Variants in MED27 observed in about 807,000 individuals in gnomAD.
MED27 encodes mediator complex subunit 27.
In MED27, 30 loss-of-function variants were observed where a neutral mutation model predicts 38.2. That is an observed-to-expected ratio of 0.79 (90% CI 0.59 to 1.07). The LOEUF (loss-of-function observed/expected upper bound fraction) is 1.07. MED27 is among the 50% of genes least tolerant of loss of function. The probability of loss-of-function intolerance (pLI) is 0.00; values close to 1 mark genes in which losing one functional copy is unlikely to be tolerated. For synonymous variants in MED27, 122 were observed against 153.5 expected, an observed-to-expected ratio of 0.79 and a Z score of 1.52; for missense variants, 289 against 397.5, an observed-to-expected ratio of 0.73 and a Z score of 2.32.
intron 3 of MED27, among the ~76,000 whole-genome samples, chr9:131,943,084 T>C (rs886717198): frequency 2.0e-5 from 3 of 152,168 alleles, no homozygotes; most frequent in Non-Finnish European, 2.9e-5. Context: ...TGAAGCAAAA[T>C]GGATTTTCAG....
At chr9:131,990,981 G>A (rs986495520) in intron 3 of MED27, among the ~76,000 whole-genome samples, 3 of 152,160 alleles carry the variant, frequency 2.0e-5, no homozygotes, top group African/African-American at 7.2e-5. Flanking sequence ...AGAAATCTGC[G>A]GGGTTCTTGC....
At chr9:131,869,443 G>A in intron 6 of MED27, 1 of 973,464 alleles carries the variant, frequency 1.0e-6, no homozygotes. Flanking sequence ...CTCTGTGGCA[G>A]CCGAGGTTCG....
At chr9:132,063,460 A>G (rs1833742214) in intron 2 of MED27, among the ~76,000 whole-genome samples, 1 of 152,206 alleles carries the variant, frequency 6.6e-6, no homozygotes, top group South Asian at 2.1e-4. Flanking sequence ...CCCCAAGTAC[A>G]ACGTTTTGGC....
At chr9:132,068,959 G>A (rs1260804965) in intron 2 of MED27, among the ~76,000 whole-genome samples, 1 of 152,160 alleles carries the variant, frequency 6.6e-6, no homozygotes, top group Non-Finnish European at 1.5e-5. Context: ...GAAGAGAGAA[G>A]ACAAGAAAAC....
chr9:131,951,091 ACCTT>A (rs1472900225), intron 3 of MED27, among the ~76,000 whole-genome samples: 1 of 152,128 alleles, frequency 6.6e-6, no homozygotes, highest in African/African-American at 2.4e-5. Context: ...ACAAAAACAG[ACCTT>A]CCTGGGCGAG....
intron 3 of MED27, among the ~76,000 whole-genome samples, chr9:131,951,106 G>A (rs1290863400): frequency 6.6e-6 from 1 of 152,170 alleles, no homozygotes. Flanking sequence ...CCTGGGCGAG[G>A]TGCCTCGGCT....
chr9:131,936,733 T>C (rs947057705), intron 4 of MED27, among the ~76,000 whole-genome samples: 2 of 152,248 alleles, frequency 1.3e-5, no homozygotes, highest in Non-Finnish European at 2.9e-5. Context: ...CTGAGTCTGA[T>C]GCACCTGGCA....
intron 4 of MED27, among the ~76,000 whole-genome samples, chr9:131,923,964 T>C (rs766206198): frequency 5.0e-4 from 76 of 152,166 alleles, no homozygotes; most frequent in Admixed American, 7.9e-4. Flanking sequence ...TTTCTGAAGA[T>C]GGAAAAAAAA....
At position 132,003,003 on chromosome 9, in the gene MED27, G is replaced by A. The variant is rs1438238020; in HGVS notation, c.479+11334C>T. ...AAGAACAGAAAGATCTGAAACAAAA[G>A]AGTTTCACTTACAACCAGCATTAGT... On this transcript the variant is annotated intron_variant, in intron 3 of 7. Coordinates refer to ENST00000292035, the MANE Select transcript of MED27 (RefSeq NM_004269.4). This position sits in a 1 kb window ranked among gnomAD's most constrained non-coding sequence, Gnocchi z 4.2. Among the ~76,000 whole-genome samples the A allele has an allele frequency of 6.7e-6, 1 of 150,222 alleles. No homozygotes were observed. The highest frequency in any genetic ancestry group is 1.5e-5 in the Non-Finnish European group (1 of 67,472).
intron 2 of MED27, among the ~76,000 whole-genome samples, chr9:132,065,491 T>C (rs899823535): frequency 6.6e-6 from 1 of 152,238 alleles, no homozygotes; most frequent in Non-Finnish European, 1.5e-5. Context: ...CATTCTTTTG[T>C]GCCCCCTCCC....
At chr9:132,038,188 CTT>C (rs144353393) in intron 2 of MED27, among the ~76,000 whole-genome samples, 8 of 125,682 alleles carry the variant, frequency 6.4e-5, no homozygotes, top group Middle Eastern at 4.6e-3. Flanking sequence ...AGGCATCCTT[CTT>C]TTTTTTTTTT....
In MED27 at chr9:132,003,443, G is replaced by A. The variant is rs187860704; in HGVS notation, c.479+10894C>T. 5.8e-4 allele frequency among the ~76,000 whole-genome samples: 88 copies of A among 152,336 alleles called. No individual in the cohort carries two copies. Among genetic ancestry groups the A allele is most frequent in the Non-Finnish European group, 2.5e-4 (17 of 68,032 alleles). ...TCTGAGACAAACCCAGGTCAGGTTA[G>A]CTGAGAGTGAGGCCAGGATCAGAAC... is the stretch of plus-strand genomic sequence containing the variant. On this transcript the variant is annotated intron_variant, in intron 3 of 7. Transcript: ENST00000292035. This position sits in a 1 kb window ranked among gnomAD's most constrained non-coding sequence, Gnocchi z 4.2.
intron 3 of MED27, among the ~76,000 whole-genome samples, chr9:131,953,575 A>G (rs1414166187): frequency 6.6e-6 from 1 of 152,074 alleles, no homozygotes; most frequent in African/African-American, 2.4e-5. Flanking sequence ...TTATACAAAT[A>G]TTATACAAAT....
intron 6 of MED27, among the ~76,000 whole-genome samples, chr9:131,865,733 T>C (rs1484304734): frequency 6.6e-6 from 1 of 152,250 alleles, no homozygotes; most frequent in African/African-American, 2.4e-5. Context: ...TCAGCAGCCA[T>C]GTGCAGGCAG....
At chr9:132,058,008 T>G (rs1314479030) in intron 2 of MED27, among the ~76,000 whole-genome samples, 1 of 152,198 alleles carries the variant, frequency 6.6e-6, no homozygotes, top group Non-Finnish European at 1.5e-5. Flanking sequence ...CAGAGTGGAA[T>G]GTTCTATCCT....
chr9:131,962,075 C>G (rs1485790846), intron 3 of MED27, among the ~76,000 whole-genome samples: 1 of 152,148 alleles, frequency 6.6e-6, no homozygotes, highest in African/African-American at 2.4e-5. Flanking sequence ...AAAGCTGGGA[C>G]TGGAACTCAG....
At chr9:131,953,757 C>T (rs1831042688) in intron 3 of MED27, among the ~76,000 whole-genome samples, 1 of 151,864 alleles carries the variant, frequency 6.6e-6, no homozygotes, top group African/African-American at 2.4e-5. Context: ...AAGGGTTTTG[C>T]CTTGTTCGTA....
chr9:131,906,662 G>A lies in MED27; in HGVS notation c.574-12670C>T, dbSNP rs185592837. Among the ~76,000 whole-genome samples, 17 of 152,372 alleles carry A rather than the reference G, an allele frequency of 1.1e-4. No homozygotes were observed. The East Asian group carries it at 3.3e-3, about 29-fold the overall frequency. On this transcript the variant is annotated intron_variant, in intron 4 of 7. Transcript: ENST00000292035. ...AAATGGAAAGACCAGGAGAGGGAATGATGGTGTTACTGAAAAGGGATCCTG... is the reference window on the plus strand; with the variant it reads ...AAATGGAAAGACCAGGAGAGGGAATAATGGTGTTACTGAAAAGGGATCCTG...
At chr9:131,941,828 T>TA (rs1225024834) in intron 3 of MED27, among the ~76,000 whole-genome samples, 1 of 131,004 alleles carries the variant, frequency 7.6e-6, no homozygotes, top group Middle Eastern at 3.2e-3. Flanking sequence ...TTTTTTTTTT[T>TA]TTTTTTTTTT....
Sources: gnomAD v4.1 joint callset for allele counts (sites outside exome capture counted in the v4.1 genomes callset) on GRCh38, gnomAD v4.1.1 for gene constraint, Gnocchi (gnomAD v3.1) non-coding constraint, MANE v1.5 for transcripts, NCBI Gene and HGNC (gene_info 2026-07-23, HGNC 2026-07-21) for gene names.